Variants in TRIB3 observed in about 807,000 individuals in gnomAD.
TRIB3 encodes tribbles homolog 3.
A neutral mutation model predicts 16.6 loss-of-function variants in TRIB3; 20 were observed. That is an observed-to-expected ratio of 1.20 (90% CI 0.85 to 1.75). The LOEUF is 1.75. Among genes scored for constraint, TRIB3 ranks in the 40% most tolerant of loss-of-function variants. TRIB3 has a pLI of 0.00. For missense variants in TRIB3, 484 were observed against 488.9 expected (o/e 0.99, Z 0.10); for synonymous variants, 208 against 217.0 (o/e 0.96, Z 0.36).
chr20:382,952 G>T (rs76332187), intron 1 of TRIB3, among the ~76,000 whole-genome samples: 5,020 of 152,308 alleles, frequency 0.033, 275 homozygotes, highest in African/African-American at 0.11. Flanking sequence ...GACTCATGTT[G>T]CCTTGTTAAT....
In TRIB3 at chr20:396,265, G is replaced by C; in HGVS notation, c.652G>C (p.Asp218His). The change falls in exon 4 of 4, where the codon GAC becomes CAC. Residue 218 changes from aspartate to histidine, a missense_variant. Physicochemically the swap from Asp to His is moderately conservative, Grantham distance 81. Transcript: ENST00000217233. ...VLTGPDDSLW[D>H]KHACPAYVGP... is the part of the protein sequence containing the mutation. Reference sequence around the variant, plus strand: ...GACTGGGCCAGATGATTCCCTGTGGGACAAGCACGCGTGCCCAGCCTACGT... The same window carrying C: ...GACTGGGCCAGATGATTCCCTGTGGCACAAGCACGCGTGCCCAGCCTACGT... 6.2e-7 allele frequency: 1 copy of C among 1,613,978 alleles called. No homozygotes were observed. Among genetic ancestry groups the C allele is most frequent in the Non-Finnish European group, 8.5e-7 (1 of 1,180,026 alleles).
At chr20:394,531 TC>T (rs1387298850) in intron 3 of TRIB3, among the ~76,000 whole-genome samples, 1 of 152,144 alleles carries the variant, frequency 6.6e-6, no homozygotes, top group African/African-American at 2.4e-5. Flanking sequence ...ACACCTGTTA[TC>T]CCAGTGCTTC....
chr20:382,397 G>T, intron 1 of TRIB3: 1 of 832,538 alleles, frequency 1.2e-6, no homozygotes, highest in Non-Finnish European at 1.9e-6. Context: ...ATGTGGCACA[G>T]GCCAGAGGGA....
chr20:391,979 G>A (rs998133178), intron 3 of TRIB3, among the ~76,000 whole-genome samples: 2 of 150,720 alleles, frequency 1.3e-5, no homozygotes, highest in Admixed American at 1.3e-4. Context: ...CCAAGATCAC[G>A]CCACTGCACT....
chr20:391,526 T>C lies in TRIB3; in HGVS notation c.531T>C (p.Gly177=). ...ATALAHCHQH[G]LVLRDLKLCR... is the part of the protein sequence containing the mutation. Reference sequence around the variant, plus strand: ...CCCTGGCGCACTGTCACCAGCACGGTCTGGTCCTGCGTGATCTCAAGCTGT... The same window carrying C: ...CCCTGGCGCACTGTCACCAGCACGGCCTGGTCCTGCGTGATCTCAAGCTGT... The change falls in exon 3 of 4, where the codon GGT becomes GGC. Residue 177 remains glycine, a synonymous_variant. Coordinates refer to ENST00000217233, the MANE Select transcript of TRIB3 (RefSeq NM_021158.5). 1 of 1,613,622 alleles carries C rather than the reference T, an allele frequency of 6.2e-7. No individual in the cohort carries two copies.
At chr20:392,021 CAAAAA>C (rs573401145) in intron 3 of TRIB3, among the ~76,000 whole-genome samples, 2 of 114,002 alleles carry the variant, frequency 1.8e-5, no homozygotes, top group Non-Finnish European at 3.7e-5. Flanking sequence ...GATTCCATCT[CAAAAA>C]AAAAAAAAAG....
intron 2 of TRIB3, among the ~76,000 whole-genome samples, chr20:388,521 T>C (rs746734142): frequency 2.6e-5 from 4 of 152,090 alleles, no homozygotes; most frequent in Non-Finnish European, 5.9e-5. Context: ...TACAGTGTGA[T>C]AAATGCTGCA....
intron 3 of TRIB3, among the ~76,000 whole-genome samples, chr20:395,584 A>G (rs2015102431): frequency 6.6e-6 from 1 of 152,088 alleles, no homozygotes; most frequent in Non-Finnish European, 1.5e-5. Flanking sequence ...GGGGAAAACA[A>G]TGGGAATGTG....
chr20:396,054 A>G, intron 3 of TRIB3, 144 bp from the exon 4 acceptor site: 1 of 1,245,112 alleles, frequency 8.0e-7, no homozygotes, highest in Non-Finnish European at 1.1e-6. Context: ...TCTGTAAAAC[A>G]GGATCAGACA....
intron 1 of TRIB3, 103 bp from the exon 2 acceptor site, chr20:387,908 G>T: frequency 1.5e-6 from 2 of 1,361,956 alleles, no homozygotes; most frequent in South Asian, 1.3e-5. Flanking sequence ...CACACTGCCA[G>T]ATCACCCCCT....
chr20:383,120 C>T (rs556332843), intron 1 of TRIB3, among the ~76,000 whole-genome samples: 3 of 152,176 alleles, frequency 2.0e-5, no homozygotes, highest in Admixed American at 6.6e-5. Context: ...ACTGCCCTCT[C>T]CTTCAGCCAC....
chr20:384,117 A>AC (rs1026318961), intron 1 of TRIB3, among the ~76,000 whole-genome samples: 51 of 151,778 alleles, frequency 3.4e-4, no homozygotes, highest in African/African-American at 1.1e-3. Context: ...TCCATCTAGC[A>AC]CCCCCTAGTC....
At chr20:381,684 A>G (rs4815567) in intron 1 of TRIB3, among the ~76,000 whole-genome samples, 103,538 of 151,524 alleles carry the variant, frequency 0.68, 35,572 homozygotes, top group East Asian at 0.77. Flanking sequence ...AGGGCTGGGC[A>G]CTTGGTGGCA....
In TRIB3 at chr20:388,115, T is replaced by C. The variant is rs753310737; in HGVS notation, c.105T>C (p.Ala35=). 1.2e-6 allele frequency: 2 copies of C among 1,614,084 alleles called. No homozygotes were observed. The highest frequency in any genetic ancestry group is 3.3e-5 in the Admixed American group (2 of 60,014). Residue 35 remains alanine (A), a synonymous_variant, in exon 2 of 4, where the codon GCT becomes GCC. Transcript: ENST00000217233. The part of the protein sequence containing the change: ...LDTERPVQKR[A]RSGPQPRLPP... ...CCGAGCGTCCCGTCCAGAAACGAGC[T>C]CGAAGTGGGCCCCAGCCCAGACTGC... is the stretch of plus-strand genomic sequence containing the variant.
intron 1 of TRIB3, among the ~76,000 whole-genome samples, chr20:382,124 T>G (rs1016308358): frequency 5.2e-5 from 6 of 115,366 alleles, no homozygotes; most frequent in African/African-American, 1.9e-4. Context: ...TGTGTGTGTG[T>G]GTGCGTGCGC....
intron 3 of TRIB3, 50 bp from the exon 4 acceptor site, chr20:396,148 A>AT (rs1452198743): frequency 6.4e-7 from 1 of 1,563,860 alleles, no homozygotes; most frequent in Non-Finnish European, 8.7e-7. Context: ...GGGTGGTGGC[A>AT]TGGGGGTTCT....
intron 3 of TRIB3, among the ~76,000 whole-genome samples, chr20:394,462 G>A (rs73072869): frequency 0.14 from 21,524 of 152,022 alleles, 1,666 homozygotes; most frequent in African/African-American, 0.19. Context: ...CAACTACCCC[G>A]GACCTCCTGG....
chr20:392,083 C>G (rs763089670), intron 3 of TRIB3, among the ~76,000 whole-genome samples: 1 of 151,908 alleles, frequency 6.6e-6, no homozygotes, highest in Non-Finnish European at 1.5e-5. Flanking sequence ...TGGGATGGAG[C>G]ACTGAGATGT....
chr20:388,225 T>C lies in TRIB3; in HGVS notation c.215T>C (p.Val72Ala). 1 of 1,613,810 alleles carries C rather than the reference T, an allele frequency of 6.2e-7. No homozygotes were observed. The highest frequency in any genetic ancestry group is 8.5e-7 in the Non-Finnish European group (1 of 1,180,004). ...VATASRLGPY[V>A]LLEPEEGGRA... The stretch of plus-strand genomic sequence containing the variant: ...ACTGCCTCCCGTCTTGGGCCCTATG[T>C]CCTCCTGGAGCCCGAGGAGGGCGGG... Residue 72 changes from valine to alanine, a missense_variant, in exon 2 of 4, where the codon GTC (valine) becomes GCC (alanine). By Grantham distance (64) the Val-to-Ala change is moderately conservative. Transcript: ENST00000217233.
Sources: gnomAD v4.1 joint callset for allele counts (sites outside exome capture counted in the v4.1 genomes callset) on GRCh38, gnomAD v4.1.1 for gene constraint, MANE v1.5 for transcripts, NCBI Gene and HGNC (gene_info 2026-07-23, HGNC 2026-07-21) for gene names.